FBXL17: variants seen among roughly 807,000 people sequenced by gnomAD.
FBXL17 encodes the protein F-box and leucine rich repeat protein 17.
Under a neutral mutation model 66.2 loss-of-function variants are expected in FBXL17, and 22 were observed. That is an observed-to-expected ratio of 0.33 (90% CI 0.24 to 0.47). The LOEUF (loss-of-function observed/expected upper bound fraction) is 0.47. Ranked by LOEUF, FBXL17 falls within the 20% of genes least tolerant of loss-of-function variation. The pLI, the probability that FBXL17 is intolerant of heterozygous loss-of-function variation, is 1.00. For synonymous variants in FBXL17, 474 were observed against 400.5 expected, an observed-to-expected ratio of 1.18 and a Z score of -2.19; for missense variants, 878 against 948.2, an observed-to-expected ratio of 0.93 and a Z score of 0.97.
intron 5 of FBXL17, among the ~76,000 whole-genome samples, chr5:108,222,473 A>C (rs1754907893): frequency 6.6e-6 from 1 of 152,180 alleles, no homozygotes; most frequent in South Asian, 2.1e-4. Flanking sequence ...GTTCTGATAC[A>C]GCAATAATTG....
rs545598261 is a variant in FBXL17 at position 108,266,968 on chromosome 5, G to C, written c.1507-42740C>G. ...AATAATTTTTAATTAGTTAGATTTA[G>C]ATTTTAGATTTATTCTATGGCATAA... On this transcript the variant is annotated intron_variant, in intron 4 of 8. Transcript: ENST00000542267. Among the ~76,000 whole-genome samples the C allele has an allele frequency of 7.2e-5, 11 of 152,090 alleles. No homozygotes were observed. The East Asian group carries it at 1.9e-3, about 27-fold the overall frequency.
intron 7 of FBXL17, among the ~76,000 whole-genome samples, chr5:107,907,246 C>T (rs533650508): frequency 6.6e-6 from 1 of 152,258 alleles, no homozygotes; most frequent in South Asian, 2.1e-4. Context: ...CAAAAGACGA[C>T]TAATTTGAAG....
intron 6 of FBXL17, among the ~76,000 whole-genome samples, chr5:108,122,909 C>T (rs1750559496): frequency 1.3e-5 from 2 of 152,002 alleles, no homozygotes; most frequent in South Asian, 2.1e-4. Flanking sequence ...CTATCGCACT[C>T]ATTAGCCTAA....
chr5:108,173,007 G>A (rs1419380593), intron 6 of FBXL17, among the ~76,000 whole-genome samples: 1 of 151,802 alleles, frequency 6.6e-6, no homozygotes, highest in Non-Finnish European at 1.5e-5. Flanking sequence ...CACCATGTTG[G>A]TCAGGCTGCT....
At chr5:107,890,786 C>G (rs537434796) in intron 7 of FBXL17, among the ~76,000 whole-genome samples, 1 of 151,972 alleles carries the variant, frequency 6.6e-6, no homozygotes, top group East Asian at 1.9e-4. Context: ...GACCAATAAA[C>G]ATTGTAAAAG....
At chr5:108,128,913 C>T (rs1580482011) in intron 6 of FBXL17, among the ~76,000 whole-genome samples, 4 of 152,036 alleles carry the variant, frequency 2.6e-5, no homozygotes, top group Admixed American at 2.6e-4. Context: ...ACGAGCCCAA[C>T]CAAGCTCAAT....
intron 4 of FBXL17, among the ~76,000 whole-genome samples, chr5:108,307,501 T>A (rs1271270316): frequency 6.6e-6 from 1 of 151,944 alleles, no homozygotes; most frequent in Non-Finnish European, 1.5e-5. Flanking sequence ...AGACACAGGG[T>A]CTCACTATAT....
chr5:108,304,754 T>C (rs1249911678), intron 4 of FBXL17, among the ~76,000 whole-genome samples: 2 of 152,010 alleles, frequency 1.3e-5, no homozygotes, highest in African/African-American at 4.8e-5. Context: ...TTGGTATTTC[T>C]ACCCTCATAA....
At chr5:107,988,991 CT>C (rs953691348) in intron 7 of FBXL17, among the ~76,000 whole-genome samples, 2 of 151,768 alleles carry the variant, frequency 1.3e-5, no homozygotes, top group African/African-American at 4.8e-5. Context: ...TCTTCATTTT[CT>C]TTTTTTCTCT....
At chr5:108,217,235 C>A (rs1462727718) in intron 5 of FBXL17, among the ~76,000 whole-genome samples, 1 of 152,038 alleles carries the variant, frequency 6.6e-6, no homozygotes, top group Non-Finnish European at 1.5e-5. Flanking sequence ...GAGCTTTCTT[C>A]TTTTGCTTAT....
At chr5:107,957,732 A>G (rs1006291610) in intron 7 of FBXL17, among the ~76,000 whole-genome samples, 3 of 152,362 alleles carry the variant, frequency 2.0e-5, no homozygotes, top group East Asian at 1.9e-4. Context: ...AGAAAAAGTA[A>G]GCACTTTCAA....
At chr5:107,989,243 A>G (rs1753135515) in intron 7 of FBXL17, among the ~76,000 whole-genome samples, 1 of 151,962 alleles carries the variant, frequency 6.6e-6, no homozygotes, top group Non-Finnish European at 1.5e-5. Flanking sequence ...TATTCCTTCT[A>G]TTTTAACGTA....
intron 6 of FBXL17, among the ~76,000 whole-genome samples, chr5:108,117,933 T>C (rs982443240): frequency 6.6e-6 from 1 of 152,162 alleles, no homozygotes; most frequent in African/African-American, 2.4e-5. Context: ...AAAAAACTCC[T>C]TCAAGTATTC....
intron 5 of FBXL17, among the ~76,000 whole-genome samples, chr5:108,223,259 C>G (rs577719216): frequency 2.6e-5 from 4 of 152,114 alleles, no homozygotes; most frequent in East Asian, 3.9e-4. Flanking sequence ...TCAAAGAGAT[C>G]TGAAGACATC....
chr5:107,990,661 T>C (rs556788550), intron 7 of FBXL17, among the ~76,000 whole-genome samples: 3 of 152,324 alleles, frequency 2.0e-5, no homozygotes, highest in South Asian at 2.1e-4. Flanking sequence ...GGCTGGCATA[T>C]AGCAAGTGCT....
chr5:108,172,622 T>C (rs963307995), intron 6 of FBXL17, among the ~76,000 whole-genome samples: 13 of 152,150 alleles, frequency 8.5e-5, no homozygotes. Flanking sequence ...CTCTGCTGCT[T>C]CAGTCACAGA....
intron 7 of FBXL17, among the ~76,000 whole-genome samples, chr5:108,014,564 T>C (rs779766110): frequency 6.6e-6 from 1 of 152,158 alleles, no homozygotes; most frequent in Non-Finnish European, 1.5e-5. Context: ...GTGATAAGAG[T>C]TGTCACTGCT....
intron 7 of FBXL17, among the ~76,000 whole-genome samples, chr5:107,998,922 ACT>A (rs1215340950): frequency 6.6e-6 from 1 of 151,864 alleles, no homozygotes; most frequent in Non-Finnish European, 1.5e-5. Context: ...CCCCCTTTCC[ACT>A]CTCATCTCAG....
intron 7 of FBXL17, among the ~76,000 whole-genome samples, chr5:107,960,202 C>T (rs911253391): frequency 6.6e-6 from 1 of 152,050 alleles, no homozygotes; most frequent in Non-Finnish European, 1.5e-5. Context: ...CTCAGTAAGT[C>T]CCTCAATAGT....
Sources: gnomAD v4.1 joint callset for allele counts (sites outside exome capture counted in the v4.1 genomes callset) on GRCh38, gnomAD v4.1.1 for gene constraint, MANE v1.5 for transcripts, NCBI Gene and HGNC (gene_info 2026-07-23, HGNC 2026-07-21) for gene names.